Variants in PRRC2A observed in about 807,000 individuals in gnomAD.
PRRC2A encodes the protein protein PRRC2A.
PRRC2A carries 59 observed loss-of-function variants against 224.6 expected under a neutral mutation model. The observed-to-expected ratio is 0.26, with a 90% CI of 0.21 to 0.33. The LOEUF is 0.33. PRRC2A is among the 10% of genes least tolerant of loss of function. The pLI, the probability that PRRC2A is intolerant of heterozygous loss-of-function variation, is 1.00. For missense variants in PRRC2A, 3,095 were observed against 2,880.7 expected (o/e 1.07, Z -1.70); for synonymous variants, 1,194 against 1,109.5 (o/e 1.08, Z -1.51).
rs2515923 is a variant in PRRC2A at position 31,625,076 on chromosome 6, G to C, written c.464-95G>C. 7.1e-7 allele frequency: 1 copy of C among 1,417,882 alleles called. No individual in the cohort carries two copies. Among genetic ancestry groups the C allele is most frequent in the East Asian group, 2.3e-5 (1 of 43,568 alleles). The allele number at this position is 1,417,882 out of a possible 1,614,324, so 87.8% of individuals were successfully genotyped here. A position where few individuals can be genotyped will look rare whatever the true frequency, so the allele number is the denominator to read the frequency against. Reference sequence around the variant, plus strand: ...GCCTCCCAGAGTGCTGGGATTACAGGCGTGAGCCACCGCGCCCAGCCAGAG... The same window carrying C: ...GCCTCCCAGAGTGCTGGGATTACAGCCGTGAGCCACCGCGCCCAGCCAGAG... On this transcript the variant is annotated intron_variant, in intron 5 of 30. Coordinates refer to ENST00000376033, the MANE Select transcript of PRRC2A (RefSeq NM_004638.4). The surrounding 1 kb of genome is among the most constrained non-coding windows in gnomAD (Gnocchi z 4.1).
Position 31,632,332 on chromosome 6 carries a change from C to T in PRRC2A, c.3659C>T (p.Pro1220Leu), listed in dbSNP as rs866699802. The change falls in exon 16 of 31, where the codon CCT becomes CTT. Residue 1220 changes from proline to leucine, a missense_variant. By Grantham distance (98) the Pro-to-Leu change is moderately conservative. Around this residue, in one of 8 missense-constraint regions of PRRC2A, gnomAD observed 2,001 missense variants for 1,764.9 expected, o/e 1.13. Coordinates refer to ENST00000376033, the MANE Select transcript of PRRC2A (RefSeq NM_004638.4). ...KEKLIPGPLS[P>L]VARGGSNGGS... ...AAGTTGATCCCAGGGCCTCTGTCCC[C>T]TGTGGCGCGCGGAGGCAGCAATGGA... 6.2e-7 allele frequency: 1 copy of T among 1,613,442 alleles called. No individual in the cohort carries two copies. The highest frequency in any genetic ancestry group is 8.5e-7 in the Non-Finnish European group (1 of 1,180,012).
At position 31,631,556 on chromosome 6, in the gene PRRC2A, A is replaced by G. The variant is rs375735085; in HGVS notation, c.2883A>G (p.Val961=). 3 of 1,593,074 alleles carry G rather than the reference A, an allele frequency of 1.9e-6. No individual in the cohort carries two copies. The African/African-American group carries it at 4.1e-5, about 22-fold the overall frequency. Residue 961 remains valine (V), a synonymous_variant, in exon 16 of 31, where the codon GTA becomes GTG. Transcript: ENST00000376033. This position sits in a 1 kb window ranked among gnomAD's most constrained non-coding sequence, Gnocchi z 4.5. ...PIKKPPPPTK[V]EELPPKPLEQ... Reference sequence around the variant, plus strand: ...AGAAACCTCCACCACCTACAAAAGTAGAAGAGCTGCCTCCCAAGCCCCTCG... The same window carrying G: ...AGAAACCTCCACCACCTACAAAAGTGGAAGAGCTGCCTCCCAAGCCCCTCG...
chr6:31,631,324 A>C lies in PRRC2A; in HGVS notation c.2651A>C (p.Glu884Ala), dbSNP rs1306957625. The change falls in exon 16 of 31, where the codon GAG (glutamate) becomes GCG (alanine). Residue 884 changes from glutamate to alanine, a missense_variant. By Grantham distance (107) the Glu-to-Ala change is moderately radical. Coordinates refer to ENST00000376033, the MANE Select transcript of PRRC2A (RefSeq NM_004638.4). This position sits in a 1 kb window ranked among gnomAD's most constrained non-coding sequence, Gnocchi z 4.5. Reference sequence around the variant, plus strand: ...ATACAAACTCCACCACCCAAGAAGGAGCCCCCTAAGGAGGAGACTGCACAG... The same window carrying C: ...ATACAAACTCCACCACCCAAGAAGGCGCCCCCTAAGGAGGAGACTGCACAG... ...AKIQTPPPKK[E>A]PPKEETAQLT... 6.2e-7 allele frequency: 1 copy of C among 1,605,886 alleles called. No individual in the cohort carries two copies.
At position 31,627,800 on chromosome 6, in the gene PRRC2A, T is replaced by C. The variant is rs1380285396; in HGVS notation, c.1326T>C (p.Pro442=). The change falls in exon 12 of 31, where the codon CCT becomes CCC. Residue 442 remains proline (P), a synonymous_variant. Transcript: ENST00000376033. The surrounding 1 kb of genome is among the most constrained non-coding windows in gnomAD (Gnocchi z 5.6). The stretch of plus-strand genomic sequence containing the variant: ...GTCCTCCCTGCAAGCCCCCAGCACC[T>C]GAAGATGAGGATGAGGCATGGCGGC... ...RGGPPCKPPA[P]EDEDEAWRQR... is the part of the protein sequence containing the mutation. 3.1e-6 allele frequency: 5 copies of C among 1,612,836 alleles called. No individual in the cohort carries two copies. The highest frequency in any genetic ancestry group is 1.3e-5 in the African/African-American group (1 of 74,910).
rs966499341 is a variant in PRRC2A at position 31,637,729 on chromosome 6, CTGTT to C, written c.*148_*151del. 11 of 472,586 alleles carry C rather than the reference CTGTT, an allele frequency of 2.3e-5. No homozygotes were observed. Among genetic ancestry groups the C allele is most frequent in the African/African-American group, 1.8e-4 (9 of 49,450 alleles). The allele number at this position is 472,586 out of a possible 1,614,324, so 29.3% of individuals were successfully genotyped here. A position where few individuals can be genotyped will look rare whatever the true frequency, so the allele number is the denominator to read the frequency against. On this transcript the variant is annotated 3_prime_UTR_variant, in exon 31 of 31. Coordinates refer to ENST00000376033, the MANE Select transcript of PRRC2A (RefSeq NM_004638.4). ...TTCCCCTGGTCCCCTGTCCCTGGGG[CTGTT>C]TGTTAAAAAAGAGTAATAAAAGGAT...
In PRRC2A at chr6:31,623,734, G is replaced by A. The variant is rs1322104805; in HGVS notation, c.115G>A (p.Ala39Thr). Residue 39 changes from alanine to threonine, a missense_variant and splice_region_variant, in exon 3 of 31, where the codon GCC becomes ACC. Coordinates refer to ENST00000376033, the MANE Select transcript of PRRC2A (RefSeq NM_004638.4). The part of the protein sequence containing the change: ...KSLEIQKPAV[A>T]PRHGLQSLGK... ...CCTCTCTCCGTCTTGTTCTCCAGTT[G>A]CCCCTCGCCATGGCCTGCAGAGTCT... 6.2e-7 allele frequency: 1 copy of A among 1,613,870 alleles called. No individual in the cohort carries two copies.
At position 31,636,351 on chromosome 6, in the gene PRRC2A, C is replaced by T. The variant is rs771133380; in HGVS notation, c.5767C>T (p.Pro1923Ser). ...GTTGCCGGCTGGAGGAGTTCTCTAC[C>T]CTCCACCTTCCTTCCTCTACTCTCC... ...GKLPAGGVLY[P>S]PPSFLYSPAF... The change falls in exon 26 of 31, where the codon CCT becomes TCT. Residue 1923 changes from proline to serine, a missense_variant. Pro to Ser is a moderately conservative substitution (Grantham distance 74, BLOSUM62 -1). Coordinates refer to ENST00000376033, the MANE Select transcript of PRRC2A (RefSeq NM_004638.4). The surrounding 1 kb of genome is among the most constrained non-coding windows in gnomAD (Gnocchi z 4.3). The T allele has an allele frequency of 1.4e-5, 22 of 1,612,992 alleles. No homozygotes were observed. The South Asian group carries it at 2.0e-4, about 14-fold the overall frequency.
rs1482262078 is a variant in PRRC2A, at chr6:31,625,638, C to G, written c.759+27C>G. 5.6e-6 allele frequency: 9 copies of G among 1,600,994 alleles called. No individual in the cohort carries two copies. Among genetic ancestry groups the G allele is most frequent in the Non-Finnish European group, 7.7e-6 (9 of 1,172,906 alleles). On this transcript the variant is annotated intron_variant, in intron 7 of 30. Transcript: ENST00000376033. The surrounding 1 kb of genome is among the most constrained non-coding windows in gnomAD (Gnocchi z 4.1). ...TGAGTCTTGGTGTCTTGTCTTGGAA[C>G]GATTACACTGGAAGCTGGAGAGCTA...
At chr6:31,635,105 ATG>A (rs1777169018) in intron 21 of PRRC2A, 25 bp from the exon 22 acceptor site, 17 of 1,610,148 alleles carry the variant, frequency 1.1e-5, no homozygotes, top group Non-Finnish European at 1.4e-5. Flanking sequence ...CCCTCCCCCA[ATG>A]CACTTTACTG....
rs1775743005 is a variant in PRRC2A at position 31,625,049 on chromosome 6, C to T, written c.464-122C>T. 8.7e-7 allele frequency: 1 copy of T among 1,144,522 alleles called. No homozygotes were observed. Among genetic ancestry groups the T allele is most frequent in the Non-Finnish European group, 1.3e-6 (1 of 797,778 alleles). 70.9% of individuals were successfully genotyped at this position (1,144,522 alleles called of 1,614,324 possible). A position where few individuals can be genotyped will look rare whatever the true frequency, so the allele number is the denominator to read the frequency against. ...TCTTGACCTCGTGATCCGCCCGCCT[C>T]AGCCTCCCAGAGTGCTGGGATTACA... On this transcript the variant is annotated intron_variant, in intron 5 of 30. Coordinates refer to ENST00000376033, the MANE Select transcript of PRRC2A (RefSeq NM_004638.4). The surrounding 1 kb of genome is among the most constrained non-coding windows in gnomAD (Gnocchi z 4.1).
rs1776794063 is a variant in PRRC2A, at chr6:31,632,720, G to A, written c.4047G>A (p.Lys1349=). The A allele has an allele frequency of 6.2e-7, 1 of 1,613,040 alleles. No homozygotes were observed. Among genetic ancestry groups the A allele is most frequent in the Non-Finnish European group, 8.5e-7 (1 of 1,180,052 alleles). The stretch of plus-strand genomic sequence containing the variant: ...CCCCACCAGTACTGCTGACACCCAA[G>A]GCTGTGGGAACTCCTGGGGGAGGTG... ...EAPPPVLLTP[K]AVGTPGGGGG... is the part of the protein sequence containing the mutation. The change falls in exon 16 of 31, where the codon AAG becomes AAA. Residue 1349 remains lysine, a synonymous_variant. Transcript: ENST00000376033.
In PRRC2A at chr6:31,632,774, C is replaced by T. The variant is rs1561829280; in HGVS notation, c.4101C>T (p.Ala1367=). 5 of 1,613,118 alleles carry T rather than the reference C, an allele frequency of 3.1e-6. No homozygotes were observed. Among genetic ancestry groups the T allele is most frequent in the Non-Finnish European group, 4.2e-6 (5 of 1,180,024 alleles). Residue 1367 remains alanine (A), a synonymous_variant, in exon 16 of 31, where the codon GCC becomes GCT. Coordinates refer to ENST00000376033, the MANE Select transcript of PRRC2A (RefSeq NM_004638.4). ...GGGGAVPGIS[A]MSRGDLSQRA... ...GTGGAGCCGTACCAGGTATTTCAGCCATGTCCCGCGGAGATCTGAGCCAGA... is the reference window on the plus strand; with the variant it reads ...GTGGAGCCGTACCAGGTATTTCAGCTATGTCCCGCGGAGATCTGAGCCAGA...
chr6:31,633,536 C>T lies in PRRC2A; in HGVS notation c.4477C>T (p.Pro1493Ser). 1.2e-6 allele frequency: 2 copies of T among 1,613,122 alleles called. No individual in the cohort carries two copies. Among genetic ancestry groups the T allele is most frequent in the Non-Finnish European group, 1.7e-6 (2 of 1,180,034 alleles). Residue 1493 changes from proline to serine, a missense_variant, in exon 17 of 31, where the codon CCA (proline) becomes TCA (serine). Physicochemically the swap from Pro to Ser is moderately conservative, Grantham distance 74. This residue lies in a region of PRRC2A where 2,001 missense variants were observed against 1,764.9 expected (regional missense o/e 1.13). Transcript: ENST00000376033. ...LSSRQGSVTA[P>S]GGHPRHKPGL... Reference sequence around the variant, plus strand: ...TAGCCGTCAAGGGAGTGTAACTGCACCAGGGGGTCATCCAAGGCACAAGCC... The same window carrying T: ...TAGCCGTCAAGGGAGTGTAACTGCATCAGGGGGTCATCCAAGGCACAAGCC...
intron 15 of PRRC2A, 93 bp downstream of exon 15, chr6:31,630,894 G>A: frequency 1.4e-5 from 20 of 1,467,466 alleles, no homozygotes; most frequent in Non-Finnish European, 1.8e-5. Context: ...GGATAGGGAT[G>A]AACGGGAAAG....
rs1776096015 is a variant in PRRC2A, at chr6:31,627,929, C to G, written c.1455C>G (p.Ala485=). 6.2e-7 allele frequency: 1 copy of G among 1,613,030 alleles called. No individual in the cohort carries two copies. The highest frequency in any genetic ancestry group is 8.5e-7 in the Non-Finnish European group (1 of 1,180,040). ...GCATGCAAGAAGAGCGCCGGGCAGC[C>G]TGTGCTGAGAAGCTCAAGCGACTCG... ...ERRMQEERRA[A]CAEKLKRLDE... The change falls in exon 12 of 31, where the codon GCC becomes GCG. Residue 485 remains alanine, a synonymous_variant. Transcript: ENST00000376033. The surrounding 1 kb of genome is among the most constrained non-coding windows in gnomAD (Gnocchi z 5.6).
At chr6:31,635,079 A>G in intron 21 of PRRC2A, 53 bp from the exon 22 acceptor site, 3 of 1,601,960 alleles carry the variant, frequency 1.9e-6, no homozygotes, top group South Asian at 1.1e-5. Flanking sequence ...GGGCATTCCA[A>G]TTTGGATTTC....
intron 18 of PRRC2A, 101 bp from the exon 19 acceptor site, chr6:31,634,135 T>C (rs1777033482): frequency 2.6e-6 from 4 of 1,563,922 alleles, no homozygotes; most frequent in Non-Finnish European, 3.5e-6. Context: ...GTGTCTCCCT[T>C]GTTGTCCCCA....
Position 31,631,339 on chromosome 6 carries a change from AGAC to A in PRRC2A, c.2667_2669del (p.Glu889_Thr890delinsAsp). Reference sequence around the variant, plus strand: ...CCCAAGAAGGAGCCCCCTAAGGAGGAGACTGCACAGCTGACGGGGCCAGAAGCA... The same window carrying A: ...CCCAAGAAGGAGCCCCCTAAGGAGGATGCACAGCTGACGGGGCCAGAAGCA... On this transcript the variant is annotated inframe_deletion, in exon 16 of 31. Coordinates refer to ENST00000376033, the MANE Select transcript of PRRC2A (RefSeq NM_004638.4). The surrounding 1 kb of genome is among the most constrained non-coding windows in gnomAD (Gnocchi z 4.5). 6.2e-7 allele frequency: 1 copy of A among 1,603,100 alleles called. No individual in the cohort carries two copies. The highest frequency in any genetic ancestry group is 1.1e-5 in the South Asian group (1 of 89,976).
chr6:31,630,814 C>T lies in PRRC2A; in HGVS notation c.2465+13C>T, dbSNP rs752035141. On this transcript the variant is annotated intron_variant, in intron 15 of 30. Coordinates refer to ENST00000376033, the MANE Select transcript of PRRC2A (RefSeq NM_004638.4). ...ACAAGGGGATGAGGTGAGTCTTGGT[C>T]ATGAGAAATGGGTGAGTTCACAGTG... The T allele has an allele frequency of 8.7e-6, 14 of 1,612,832 alleles. No homozygotes were observed. Among genetic ancestry groups the T allele is most frequent in the African/African-American group, 1.3e-5 (1 of 74,872 alleles).
Sources: allele counts gnomAD v4.1 joint callset, GRCh38; gene constraint gnomAD v4.1.1; regional missense constraint gnomAD v4.1.1; non-coding constraint Gnocchi (gnomAD v3.1); transcripts MANE v1.5; gene names NCBI Gene and HGNC (gene_info 2026-07-23, HGNC 2026-07-21).